Variants in DYRK1A observed in about 807,000 individuals in gnomAD.
DYRK1A encodes dual specificity tyrosine-phosphorylation-regulated kinase 1A.
A neutral mutation model predicts 79.7 loss-of-function variants in DYRK1A; 9 were observed. The observed-to-expected ratio is 0.11, with a 90% CI of 0.07 to 0.20. The LOEUF (loss-of-function observed/expected upper bound fraction) is 0.20, where lower values mean the gene tolerates loss of function less well. Among genes scored for constraint, DYRK1A ranks in the 10% least tolerant of loss-of-function variants. The probability of loss-of-function intolerance (pLI) is 1.00; values close to 1 mark genes in which losing one functional copy is unlikely to be tolerated. For synonymous variants in DYRK1A, 349 were observed against 329.7 expected (o/e 1.06, Z -0.63); for missense variants, 622 against 956.0 (o/e 0.65, Z 4.61).
upstream of DYRK1A, among the ~76,000 whole-genome samples, chr21:37,366,474 C>T (rs868631765): frequency 3.4e-5 from 5 of 148,980 alleles, no homozygotes; most frequent in African/African-American, 4.9e-5. Context: ...CCGCCTCGCC[C>T]CCCCTTCCCC....
chr21:37,447,546 A>G (rs957033293), intron 2 of DYRK1A, among the ~76,000 whole-genome samples: 2 of 152,164 alleles, frequency 1.3e-5, no homozygotes, highest in Non-Finnish European at 2.9e-5. Flanking sequence ...CTACATGGGA[A>G]GAGTTTTGAT....
intron 11 of DYRK1A, among the ~76,000 whole-genome samples, chr21:37,509,132 A>G (rs1263222394): frequency 6.6e-6 from 1 of 152,214 alleles, no homozygotes; most frequent in African/African-American, 2.4e-5. Flanking sequence ...CCTTCCTTCC[A>G]TGCCTTCTAG....
chr21:37,406,016 CTTTT>C (rs913148077), intron 1 of DYRK1A, among the ~76,000 whole-genome samples: 2 of 144,370 alleles, frequency 1.4e-5, no homozygotes, highest in African/African-American at 5.1e-5. Context: ...GGTCATTCCT[CTTTT>C]TTTTTTTAAG....
intron 9 of DYRK1A, among the ~76,000 whole-genome samples, chr21:37,500,240 GATC>G (rs1366541540): frequency 6.6e-6 from 1 of 152,100 alleles, no homozygotes; most frequent in African/African-American, 2.4e-5. Context: ...CACGTATAGA[GATC>G]ATCATATGAT....
chr21:37,420,197 T>C, intron 1 of DYRK1A, 102 bp from the exon 2 acceptor site: 1 of 427,208 alleles, frequency 2.3e-6, no homozygotes, highest in Non-Finnish European at 4.1e-6. Context: ...GAAGTAATTT[T>C]ATTCTTTATG....
chr21:37,524,403 C>T lies in DYRK1A; in HGVS notation c.*11872C>T, dbSNP rs776220017. The T allele has an allele frequency of 3.3e-5, 5 of 152,078 alleles. No homozygotes were observed. The highest frequency in any genetic ancestry group is 7.4e-5 in the Non-Finnish European group (5 of 68,018). 9.4% of individuals were successfully genotyped at this position (152,078 alleles called of 1,614,324 possible). ...TGAATATCTCATCACAGAATTTATT[C>T]ACAAAAATAAAAAATGAAAATGAAG... On this transcript the variant is annotated 3_prime_UTR_variant, in exon 12 of 12. Coordinates refer to ENST00000647188, the MANE Select transcript of DYRK1A (RefSeq NM_001347721.2).
At chr21:37,492,119 A>G (rs893189659) in intron 7 of DYRK1A, among the ~76,000 whole-genome samples, 5 of 152,218 alleles carry the variant, frequency 3.3e-5, no homozygotes, top group Admixed American at 2.6e-4. Flanking sequence ...GTATTGGCTT[A>G]TAAAAACCAT....
intron 1 of DYRK1A, among the ~76,000 whole-genome samples, chr21:37,370,124 T>G (rs889458556): frequency 4.6e-5 from 7 of 152,132 alleles, no homozygotes; most frequent in Non-Finnish European, 7.4e-5. Context: ...CAACAATGTA[T>G]TTAGGTAATT....
At chr21:37,389,051 T>TAAA (rs2148383111) in intron 1 of DYRK1A, among the ~76,000 whole-genome samples, 1 of 150,558 alleles carries the variant, frequency 6.6e-6, no homozygotes, top group South Asian at 2.1e-4. Flanking sequence ...AAAAAAAAAT[T>TAAA]TTTTTTTTAA....
intron 7 of DYRK1A, among the ~76,000 whole-genome samples, chr21:37,491,387 A>G (rs1461317170): frequency 3.3e-5 from 5 of 152,086 alleles, no homozygotes; most frequent in African/African-American, 7.2e-5. Context: ...TATTGAAACT[A>G]TATTTCTTCT....
chr21:37,511,226 C>T lies in DYRK1A; in HGVS notation c.1645-685C>T, dbSNP rs560710769. Among the ~76,000 whole-genome samples, 6 of 152,188 alleles carry T rather than the reference C, an allele frequency of 3.9e-5. No homozygotes were observed. In the South Asian group the frequency reaches 1.2e-3, roughly 32 times the overall value. On this transcript the variant is annotated intron_variant, in intron 11 of 11. Coordinates refer to ENST00000647188, the MANE Select transcript of DYRK1A (RefSeq NM_001347721.2). ...GCCAGATGATGCAGATCGTTGTATC[C>T]ATTTGGGTTTATTTTGTTTTTCTAA...
At chr21:37,483,033 CA>C (rs1182715928) in intron 5 of DYRK1A, among the ~76,000 whole-genome samples, 2 of 152,178 alleles carry the variant, frequency 1.3e-5, no homozygotes, top group African/African-American at 4.8e-5. Context: ...GCAGTTAATG[CA>C]ATCATCACAG....
At chr21:37,455,957 G>A (rs1292649374) in intron 2 of DYRK1A, among the ~76,000 whole-genome samples, 2 of 152,158 alleles carry the variant, frequency 1.3e-5, no homozygotes, top group African/African-American at 4.8e-5. Context: ...ACTCCTTATG[G>A]TGTTAATTGC....
Position 37,493,023 on chromosome 21 carries a change from C to A in DYRK1A, c.931C>A (p.Gln311Lys). 6.2e-7 allele frequency: 1 copy of A among 1,600,486 alleles called. No individual in the cohort carries two copies. The highest frequency in any genetic ancestry group is 8.5e-7 in the Non-Finnish European group (1 of 1,169,738). ...ATTTTGAAATATATTTCAGATATACCAGTATATTCAGAGTCGCTTTTATCG... is the reference window on the plus strand; with the variant it reads ...ATTTTGAAATATATTTCAGATATACAAGTATATTCAGAGTCGCTTTTATCG... ...SSCQLGQRIY[Q>K]YIQSRFYRSP... The change falls in exon 8 of 12, where the codon CAG becomes AAG. Residue 311 changes from glutamine (Q) to lysine (K), a missense_variant. Around this residue, in one of 5 missense-constraint regions of DYRK1A, gnomAD observed 138 missense variants for 346.4 expected, o/e 0.40. Coordinates refer to ENST00000647188, the MANE Select transcript of DYRK1A (RefSeq NM_001347721.2).
chr21:37,466,942 A>G (rs751673661), intron 2 of DYRK1A, among the ~76,000 whole-genome samples: 2 of 152,118 alleles, frequency 1.3e-5, no homozygotes, highest in Non-Finnish European at 2.9e-5. Context: ...AGATATTATA[A>G]AAACTTGATG....
intron 9 of DYRK1A, chr21:37,502,625 AAG>A (rs1366938943): frequency 6.6e-6 from 1 of 152,340 alleles, no homozygotes; most frequent in East Asian, 1.9e-4. Context: ...TAACACAAAA[AAG>A]AAATTTAAAA....
At chr21:37,395,640 C>A (rs1446584293) in intron 1 of DYRK1A, among the ~76,000 whole-genome samples, 6 of 152,164 alleles carry the variant, frequency 3.9e-5, no homozygotes, top group African/African-American at 1.4e-4. Context: ...ATAAGAATTA[C>A]TCTGGCATAG....
chr21:37,476,158 C>T (rs551054524), intron 3 of DYRK1A, among the ~76,000 whole-genome samples: 5 of 152,214 alleles, frequency 3.3e-5, no homozygotes, highest in East Asian at 1.9e-4. Flanking sequence ...GATAATATTT[C>T]GGACCACCCG....
chr21:37,368,975 C>G (rs189745811), intron 1 of DYRK1A, among the ~76,000 whole-genome samples: 91 of 152,148 alleles, frequency 6.0e-4, no homozygotes, highest in African/African-American at 1.9e-3. Context: ...CTTTCCCCCC[C>G]CAAGAAAACT....
Sources: gnomAD v4.1 joint callset for allele counts (sites outside exome capture counted in the v4.1 genomes callset) on GRCh38, gnomAD v4.1.1 for gene constraint, gnomAD v4.1.1 regional missense constraint, MANE v1.5 for transcripts, NCBI Gene and HGNC (gene_info 2026-07-23, HGNC 2026-07-21) for gene names.